The following DNAAF5 variants were observed in gnomAD, a reference collection of about 807,000 sequenced individuals.
The protein encoded by DNAAF5 is dynein axonemal assembly factor 5.
Under a neutral mutation model 75.8 loss-of-function variants are expected in DNAAF5, and 64 were observed. The observed-to-expected ratio is 0.84, with a 90% CI of 0.69 to 1.04. The LOEUF is 1.04. DNAAF5 is among the 50% of genes least tolerant of loss of function. The pLI is 0.00. For synonymous variants in DNAAF5, 657 were observed against 557.2 expected, an observed-to-expected ratio of 1.18 and a Z score of -2.52; for missense variants, 1,269 against 1,178.5, an observed-to-expected ratio of 1.08 and a Z score of -1.12.
rs1779001552 is a variant in DNAAF5 at position 782,579 on chromosome 7, C to T, written c.2431+2435C>T. On this transcript the variant is annotated intron_variant, in intron 12 of 12. Transcript: ENST00000297440. ...GTCACGCGGCGTCAGAAACTCGGAT[C>T]TTCCCGGCGTGGCCGCGTCCCGTTA... is the stretch of plus-strand genomic sequence containing the variant. 1.4e-5 allele frequency among the ~76,000 whole-genome samples: 2 copies of T among 143,320 alleles called. 1 individual carries two copies. The highest frequency in any genetic ancestry group is 5.4e-5 in the African/African-American group (2 of 37,138). The allele number at this position is 143,320 out of a possible 152,430, so 94.0% of individuals were successfully genotyped here.
intron 4 of DNAAF5, among the ~76,000 whole-genome samples, chr7:745,638 T>C (rs932405754): frequency 2.6e-5 from 4 of 152,070 alleles, no homozygotes; most frequent in Non-Finnish European, 5.9e-5. Context: ...TACATGTATA[T>C]CCTCACACAC....
intron 1 of DNAAF5, among the ~76,000 whole-genome samples, chr7:728,482 G>C (rs1380152291): frequency 6.6e-6 from 1 of 152,146 alleles, no homozygotes; most frequent in African/African-American, 2.4e-5. Context: ...AGCTGGACTT[G>C]GGGAAATGCC....
chr7:745,565 A>G (rs1343036507), intron 4 of DNAAF5, among the ~76,000 whole-genome samples: 2 of 152,164 alleles, frequency 1.3e-5, no homozygotes, highest in East Asian at 1.9e-4. Context: ...ACATCCTCGC[A>G]CATGTGCACA....
chr7:785,843 T>A lies in DNAAF5; in HGVS notation c.*190T>A. 1.6e-6 allele frequency: 1 copy of A among 635,048 alleles called. No homozygotes were observed. Among genetic ancestry groups the A allele is most frequent in the Non-Finnish European group, 2.6e-6 (1 of 381,186 alleles). The allele number at this position is 635,048 out of a possible 1,614,324, so 39.3% of individuals were successfully genotyped here. ...GAGTGGATTCTGCATGTTATGTGAT[T>A]TGTTCTGTTCATCGAGAGGGCTCCC... is the stretch of plus-strand genomic sequence containing the variant. On this transcript the variant is annotated 3_prime_UTR_variant, in exon 13 of 13. Coordinates refer to ENST00000297440, the MANE Select transcript of DNAAF5 (RefSeq NM_017802.4).
chr7:760,600 C>T (rs1331118663), intron 6 of DNAAF5, among the ~76,000 whole-genome samples: 4 of 152,174 alleles, frequency 2.6e-5, no homozygotes, highest in Non-Finnish European at 5.9e-5. Flanking sequence ...CAGTTAGCCA[C>T]GATTGCACCA....
intron 8 of DNAAF5, among the ~76,000 whole-genome samples, 199 bp from the exon 9 acceptor site, chr7:770,272 A>G (rs1417342463): frequency 6.6e-6 from 1 of 151,978 alleles, no homozygotes; most frequent in Non-Finnish European, 1.5e-5. Context: ...TCATATGGAA[A>G]AACGTGATTT....
intron 12 of DNAAF5, among the ~76,000 whole-genome samples, chr7:781,699 A>G (rs1778951202): frequency 6.6e-6 from 1 of 152,224 alleles, no homozygotes; most frequent in Non-Finnish European, 1.5e-5. Flanking sequence ...AACTGGGGTC[A>G]GAGGATGTCT....
chr7:752,642 G>A (rs946728118), intron 4 of DNAAF5, among the ~76,000 whole-genome samples: 9 of 148,306 alleles, frequency 6.1e-5, no homozygotes, highest in Non-Finnish European at 9.1e-5. Context: ...GAGCTAGGAC[G>A]AAGGCTTCGT....
At chr7:763,759 A>G in intron 7 of DNAAF5, 47 bp from the exon 8 acceptor site, 1 of 1,596,956 alleles carries the variant, frequency 6.3e-7, no homozygotes. Flanking sequence ...GGCAGGCTTG[A>G]GCCCTGAGTG....
intron 4 of DNAAF5, among the ~76,000 whole-genome samples, chr7:745,156 TAGAG>T (rs1203496814): frequency 6.6e-6 from 1 of 152,156 alleles, no homozygotes; most frequent in African/African-American, 2.4e-5. Flanking sequence ...TGCTGCTCCT[TAGAG>T]AGGGTCCAGC....
chr7:763,697 C>G, intron 7 of DNAAF5, 109 bp from the exon 8 acceptor site: 1 of 1,268,052 alleles, frequency 7.9e-7, no homozygotes, highest in Non-Finnish European at 1.1e-6. Flanking sequence ...TCCTGGCAGG[C>G]CCGGCCTGTG....
intron 8 of DNAAF5, among the ~76,000 whole-genome samples, chr7:767,115 TGTG>T (rs1243684267): frequency 6.6e-6 from 1 of 151,778 alleles, no homozygotes; most frequent in African/African-American, 2.4e-5. Context: ...GGCGGGCGCT[TGTG>T]GTCCCAGCTA....
At chr7:752,589 G>C (rs987342118) in intron 4 of DNAAF5, among the ~76,000 whole-genome samples, 1 of 146,264 alleles carries the variant, frequency 6.8e-6, no homozygotes, top group Admixed American at 6.8e-5. Context: ...TCGTGACCGC[G>C]GGCCAGGCCA....
intron 8 of DNAAF5, among the ~76,000 whole-genome samples, chr7:767,427 C>A (rs1384939594): frequency 1.3e-5 from 2 of 152,142 alleles, no homozygotes; most frequent in African/African-American, 4.8e-5. Context: ...GAGAATCTAT[C>A]CTTCCAATTC....
chr7:783,320 C>T (rs1481957609), intron 12 of DNAAF5, among the ~76,000 whole-genome samples: 3 of 152,106 alleles, frequency 2.0e-5, no homozygotes, highest in Non-Finnish European at 4.4e-5. Flanking sequence ...GTGAGTGTGG[C>T]AGGTGAAGCC....
rs368798544 is a variant in DNAAF5 at position 739,598 on chromosome 7, G to A, written c.781-1221G>A. ...CGTGCTTCCCTGCTGCTCGCACGCC[G>A]AGAGTCGCCTGTGCGCACCGCACGG... On this transcript the variant is annotated intron_variant, in intron 2 of 12. Coordinates refer to ENST00000297440, the MANE Select transcript of DNAAF5 (RefSeq NM_017802.4). Among the ~76,000 whole-genome samples the A allele has an allele frequency of 2.0e-5, 3 of 152,318 alleles. No individual in the cohort carries two copies. The East Asian group carries it at 5.8e-4, about 29-fold the overall frequency.
chr7:731,726 G>A (rs942027064), intron 2 of DNAAF5, among the ~76,000 whole-genome samples: 12 of 151,990 alleles, frequency 7.9e-5, no homozygotes, highest in African/African-American at 2.7e-4. Flanking sequence ...TAGTGTTAGT[G>A]TTATTTTATG....
At chr7:759,686 A>G (rs969693866) in intron 6 of DNAAF5, among the ~76,000 whole-genome samples, 2 of 152,134 alleles carry the variant, frequency 1.3e-5, no homozygotes, top group Admixed American at 1.3e-4. Flanking sequence ...TCAAATATAG[A>G]GAAATCTATA....
At chr7:744,304 G>A (rs1366814976) in intron 4 of DNAAF5, among the ~76,000 whole-genome samples, 2 of 152,196 alleles carry the variant, frequency 1.3e-5, no homozygotes, top group Admixed American at 1.3e-4. Flanking sequence ...ATTCCATGGT[G>A]TATATGTACC....
Sources: gnomAD v4.1 joint callset for allele counts (sites outside exome capture counted in the v4.1 genomes callset) on GRCh38, gnomAD v4.1.1 for gene constraint, MANE v1.5 for transcripts, NCBI Gene and HGNC (gene_info 2026-07-23, HGNC 2026-07-21) for gene names.